Variants in MAGI3 observed in about 807,000 individuals in gnomAD.
MAGI3 encodes the protein membrane-associated guanylate kinase, WW and PDZ domain-containing protein 3.
MAGI3 carries 43 observed loss-of-function variants against 121.8 expected under a neutral mutation model. That is an observed-to-expected ratio of 0.35 (90% confidence interval 0.28 to 0.46). The LOEUF (loss-of-function observed/expected upper bound fraction) is 0.46, where lower values mean the gene tolerates loss of function less well. MAGI3 is among the 20% of genes least tolerant of loss of function. The probability of loss-of-function intolerance (pLI) is 1.00; values close to 1 mark genes in which losing one functional copy is unlikely to be tolerated. For synonymous variants in MAGI3, 553 were observed against 639.3 expected (o/e 0.86, Z 2.04); for missense variants, 1,547 against 1,797.3 (o/e 0.86, Z 2.52).
At chr1:113,645,738 A>C (rs1316766263) in intron 11 of MAGI3, among the ~76,000 whole-genome samples, 1 of 152,208 alleles carries the variant, frequency 6.6e-6, no homozygotes, top group Non-Finnish European at 1.5e-5. Flanking sequence ...ACAAACATCC[A>C]TAATCTCCCT....
intron 1 of MAGI3, among the ~76,000 whole-genome samples, chr1:113,396,361 C>T (rs1033897712): frequency 5.3e-5 from 8 of 150,116 alleles, no homozygotes; most frequent in Admixed American, 2.7e-4. Flanking sequence ...AGACTAGAAC[C>T]GTTTCGCCTT....
chr1:113,567,313 A>T (rs1176642803), intron 2 of MAGI3, among the ~76,000 whole-genome samples: 1 of 152,120 alleles, frequency 6.6e-6, no homozygotes, highest in Non-Finnish European at 1.5e-5. Flanking sequence ...AACAAAGAAA[A>T]GCCCAGGACC....
chr1:113,606,569 T>C (rs1649786549), intron 6 of MAGI3, among the ~76,000 whole-genome samples: 1 of 152,164 alleles, frequency 6.6e-6, no homozygotes, highest in South Asian at 2.1e-4. Flanking sequence ...TGCCCCATTA[T>C]CAAAATCTCT....
At chr1:113,634,428 G>A (rs1226971791) in intron 9 of MAGI3, among the ~76,000 whole-genome samples, 1 of 152,164 alleles carries the variant, frequency 6.6e-6, no homozygotes, top group African/African-American at 2.4e-5. Flanking sequence ...GTAAGGAAGG[G>A]ATCCAGTTTC....
chr1:113,644,429 C>T (rs531827258), intron 11 of MAGI3, among the ~76,000 whole-genome samples: 17 of 152,156 alleles, frequency 1.1e-4, no homozygotes, highest in Non-Finnish European at 1.3e-4. Flanking sequence ...TACAGGTGCA[C>T]GCCACCACAC....
intron 2 of MAGI3, among the ~76,000 whole-genome samples, chr1:113,562,827 C>A (rs1051363625): frequency 1.3e-5 from 2 of 152,220 alleles, no homozygotes; most frequent in African/African-American, 4.8e-5. Flanking sequence ...TGTGCATGTA[C>A]CCCTGAACTT....
chr1:113,591,102 T>G (rs908771961), intron 5 of MAGI3, among the ~76,000 whole-genome samples: 16 of 152,168 alleles, frequency 1.1e-4, no homozygotes, highest in South Asian at 1.0e-3. Context: ...AGTTGAATGA[T>G]GTAGGAAGAA....
intron 6 of MAGI3, among the ~76,000 whole-genome samples, chr1:113,605,837 A>G (rs189673089): frequency 3.3e-5 from 5 of 151,966 alleles, no homozygotes; most frequent in East Asian, 3.9e-4. Flanking sequence ...TGACCTCGTG[A>G]TCCGCCTGCC....
At chr1:113,592,221 C>T (rs1480186507) in intron 5 of MAGI3, among the ~76,000 whole-genome samples, 1 of 152,074 alleles carries the variant, frequency 6.6e-6, no homozygotes, top group African/African-American at 2.4e-5. Context: ...TAAATATTTG[C>T]TGCTAGATAA....
intron 1 of MAGI3, among the ~76,000 whole-genome samples, chr1:113,488,852 G>A (rs1656531918): frequency 6.6e-6 from 1 of 152,078 alleles, no homozygotes; most frequent in Non-Finnish European, 1.5e-5. Flanking sequence ...CCTGCTTGCA[G>A]GGCACAGAGA....
rs1355272043 is a variant in MAGI3 at position 113,585,488 on chromosome 1, C to CA, written c.658dup (p.Arg220LysfsTer15). The CA allele has an allele frequency of 6.2e-7, 1 of 1,614,006 alleles. No individual in the cohort carries two copies. On this transcript the variant is annotated frameshift_variant, in exon 4 of 21. Coordinates refer to ENST00000307546, the MANE Select transcript of MAGI3 (RefSeq NM_001142782.2). LOFTEE classifies it high-confidence loss of function. ...TGATAATGAGTTTGATGCAGAATCT[C>CA]AAAGAAAACGAACGACATCTGTCAG... is the stretch of plus-strand genomic sequence containing the variant.
At chr1:113,527,681 A>G (rs1658516984) in intron 1 of MAGI3, among the ~76,000 whole-genome samples, 1 of 152,214 alleles carries the variant, frequency 6.6e-6, no homozygotes, top group African/African-American at 2.4e-5. Flanking sequence ...TCACTTTGCT[A>G]ACACAGGGAA....
intron 7 of MAGI3, among the ~76,000 whole-genome samples, chr1:113,615,209 C>G (rs997511881): frequency 6.6e-6 from 1 of 152,112 alleles, no homozygotes; most frequent in Non-Finnish European, 1.5e-5. Flanking sequence ...AGAGGAGTGC[C>G]AGACACCTGC....
rs1228932095 is a variant in MAGI3, at chr1:113,683,668, C to T, written c.4100C>T (p.Pro1367Leu). The T allele has an allele frequency of 1.2e-6, 2 of 1,608,128 alleles. No individual in the cohort carries two copies. Among genetic ancestry groups the T allele is most frequent in the Non-Finnish European group, 8.5e-7 (1 of 1,177,132 alleles). ...AAAAGAATGGTTGAGAAATCTCTTC[C>T]ATCCAAAATGACTAATAAGACTACA... ...KIKRMVEKSLPSKMTNKTTSK... is the reference protein window; with the variant it reads ...KIKRMVEKSLLSKMTNKTTSK... The change falls in exon 21 of 21, where the codon CCA (proline) becomes CTA (leucine). Residue 1367 changes from proline (P) to leucine (L), a missense_variant. Coordinates refer to ENST00000307546, the MANE Select transcript of MAGI3 (RefSeq NM_001142782.2).
intron 9 of MAGI3, among the ~76,000 whole-genome samples, chr1:113,638,945 C>T (rs1032203279): frequency 3.9e-5 from 6 of 152,214 alleles, no homozygotes; most frequent in Non-Finnish European, 7.3e-5. Flanking sequence ...TGGCGGGCGC[C>T]CCTCCCCCAG....
chr1:113,460,665 C>T (rs550148134), intron 1 of MAGI3, among the ~76,000 whole-genome samples: 4 of 151,960 alleles, frequency 2.6e-5, no homozygotes, highest in South Asian at 2.1e-4. Context: ...AAAAATTAGC[C>T]GGGCGTGGTG....
At chr1:113,680,206 G>A (rs1328104259) in intron 19 of MAGI3, among the ~76,000 whole-genome samples, 1 of 152,192 alleles carries the variant, frequency 6.6e-6, no homozygotes. Flanking sequence ...GGCCAGGAAA[G>A]GCTTCAAAGA....
intron 1 of MAGI3, among the ~76,000 whole-genome samples, chr1:113,482,946 C>T (rs1300503555): frequency 6.6e-6 from 1 of 152,024 alleles, no homozygotes; most frequent in African/African-American, 2.4e-5. Flanking sequence ...GCTGGGACCA[C>T]AGGCATGCAC....
rs1570977961 is a variant in MAGI3, at chr1:113,637,786, G to C, written c.1361-4125G>C. ...ATTTGAATGTTGGCCTGCCTTGCTA[G>C]GTTGGGGAAGTTCTGCTGGATAATA... On this transcript the variant is annotated intron_variant, in intron 9 of 20. Coordinates refer to ENST00000307546, the MANE Select transcript of MAGI3 (RefSeq NM_001142782.2). 2.0e-5 allele frequency among the ~76,000 whole-genome samples: 3 copies of C among 152,124 alleles called. No individual in the cohort carries two copies. The Middle Eastern group carries it at 0.01, about 517-fold the overall frequency.
Sources: allele counts gnomAD v4.1 joint callset (sites outside exome capture counted in the v4.1 genomes callset), GRCh38; gene constraint gnomAD v4.1.1; transcripts MANE v1.5; gene names NCBI Gene and HGNC (gene_info 2026-07-23, HGNC 2026-07-21).